IGF2BP3: variants seen among roughly 807,000 people sequenced by gnomAD.
IGF2BP3 encodes insulin-like growth factor 2 mRNA-binding protein 3.
A neutral mutation model predicts 73.8 loss-of-function variants in IGF2BP3; 9 were observed. The ratio of observed to expected loss-of-function variants is 0.12; its 90% CI spans 0.07 to 0.21. The LOEUF (loss-of-function observed/expected upper bound fraction) is 0.21. IGF2BP3 is among the 10% of genes least tolerant of loss of function. IGF2BP3 has a pLI of 1.00. For synonymous variants in IGF2BP3, 258 were observed against 256.7 expected (o/e 1.01, Z -0.05); for missense variants, 542 against 714.0 (o/e 0.76, Z 2.75).
chr7:23,464,553 G>A (rs754326048), intron 2 of IGF2BP3, among the ~76,000 whole-genome samples: 4 of 151,922 alleles, frequency 2.6e-5, no homozygotes, highest in South Asian at 2.1e-4. Context: ...GCATGGTGGC[G>A]CATGCCTGTA....
chr7:23,406,655 G>GA, intron 3 of IGF2BP3, among the ~76,000 whole-genome samples: 1 of 152,268 alleles, frequency 6.6e-6, no homozygotes, highest in East Asian at 1.9e-4. Context: ...CCACAGTGTG[G>GA]AAGGGGACCC....
chr7:23,447,408 G>A (rs929445002), intron 2 of IGF2BP3, among the ~76,000 whole-genome samples: 4 of 151,992 alleles, frequency 2.6e-5, no homozygotes, highest in Non-Finnish European at 5.9e-5. Flanking sequence ...TAGATCACTT[G>A]GGGCCAGGAG....
chr7:23,447,363 G>A (rs570495181), intron 2 of IGF2BP3, among the ~76,000 whole-genome samples: 3 of 152,090 alleles, frequency 2.0e-5, no homozygotes, highest in Non-Finnish European at 4.4e-5. Context: ...GGTCGCTCAT[G>A]CCTGTAATCC....
chr7:23,328,059 G>C (rs1784351551), intron 10 of IGF2BP3, among the ~76,000 whole-genome samples: 1 of 152,092 alleles, frequency 6.6e-6, no homozygotes, highest in East Asian at 1.9e-4. Context: ...TGTCTCTCTA[G>C]ACGCCCACCT....
intron 6 of IGF2BP3, among the ~76,000 whole-genome samples, chr7:23,349,094 TTATA>T (rs1407606347): frequency 6.6e-6 from 1 of 152,228 alleles, no homozygotes; most frequent in African/African-American, 2.4e-5. Context: ...ATTTACATAT[TTATA>T]TGTTTTGAAT....
At chr7:23,355,223 TTA>T (rs1182095736) in intron 5 of IGF2BP3, among the ~76,000 whole-genome samples, 1,603 of 131,092 alleles carry the variant, frequency 0.012, 21 homozygotes, top group African/African-American at 0.055. Context: ...CTTTTTATTT[TTA>T]TTTTTTTTTT....
intron 2 of IGF2BP3, among the ~76,000 whole-genome samples, chr7:23,439,707 G>C (rs1240290159): frequency 6.6e-6 from 1 of 152,072 alleles, no homozygotes; most frequent in East Asian, 1.9e-4. Context: ...GAGGATACAA[G>C]TCTCTCAAAG....
chr7:23,428,392 A>G (rs1787575665), intron 2 of IGF2BP3, among the ~76,000 whole-genome samples: 1 of 151,846 alleles, frequency 6.6e-6, no homozygotes, highest in African/African-American at 2.4e-5. Flanking sequence ...GAATCGCTTG[A>G]ACTCGGGAGG....
chr7:23,462,120 T>C (rs1424209067), intron 2 of IGF2BP3, among the ~76,000 whole-genome samples: 1 of 152,230 alleles, frequency 6.6e-6, no homozygotes, highest in South Asian at 2.1e-4. Flanking sequence ...AGTTTAGTAA[T>C]GGACCTGAGT....
chr7:23,338,314 T>C (rs1322565482), intron 10 of IGF2BP3, among the ~76,000 whole-genome samples: 3 of 152,204 alleles, frequency 2.0e-5, no homozygotes, highest in African/African-American at 7.2e-5. Context: ...AACTGTTCTT[T>C]TCAACATTGA....
intron 3 of IGF2BP3, among the ~76,000 whole-genome samples, chr7:23,404,397 T>A (rs1786764031): frequency 6.6e-6 from 1 of 152,134 alleles, no homozygotes; most frequent in African/African-American, 2.4e-5. Context: ...AATCTTTGTA[T>A]ATATACCTGG....
At chr7:23,391,954 G>T (rs1455888201) in intron 3 of IGF2BP3, among the ~76,000 whole-genome samples, 1 of 152,190 alleles carries the variant, frequency 6.6e-6, no homozygotes, top group Non-Finnish European at 1.5e-5. Flanking sequence ...CTAAGCATCT[G>T]AAACAAAACT....
intron 2 of IGF2BP3, among the ~76,000 whole-genome samples, chr7:23,436,275 A>G (rs1176932142): frequency 1.3e-5 from 2 of 152,242 alleles, no homozygotes; most frequent in Non-Finnish European, 2.9e-5. Flanking sequence ...GATAATGTCT[A>G]TGCTTTTTAA....
At chr7:23,392,350 G>C (rs1473124211) in intron 3 of IGF2BP3, among the ~76,000 whole-genome samples, 1 of 147,602 alleles carries the variant, frequency 6.8e-6, no homozygotes, top group South Asian at 2.2e-4. Flanking sequence ...CTGACCTCAA[G>C]AAAAGGCTGA....
intron 3 of IGF2BP3, chr7:23,416,234 A>T (rs545414357): frequency 2.0e-5 from 3 of 152,378 alleles, no homozygotes; most frequent in African/African-American, 4.8e-5. Context: ...AAAAAAAATA[A>T]AAATAAATAA....
chr7:23,391,776 C>G (rs1786285368), intron 3 of IGF2BP3, among the ~76,000 whole-genome samples: 1 of 152,120 alleles, frequency 6.6e-6, no homozygotes, highest in South Asian at 2.1e-4. Flanking sequence ...AGTACACACC[C>G]TAGTTGAATA....
intron 12 of IGF2BP3, among the ~76,000 whole-genome samples, chr7:23,315,049 C>T (rs928063468): frequency 6.6e-6 from 1 of 152,100 alleles, no homozygotes; most frequent in Admixed American, 6.5e-5. Flanking sequence ...GTGATCCACC[C>T]ACCTTGGCTT....
intron 3 of IGF2BP3, among the ~76,000 whole-genome samples, chr7:23,374,242 T>C (rs984735460): frequency 3.9e-5 from 6 of 152,166 alleles, no homozygotes; most frequent in Non-Finnish European, 8.8e-5. Context: ...ATCCTCTGAC[T>C]AATGAATGGA....
chr7:23,468,402 G>A (rs1379030903), intron 2 of IGF2BP3, 80 bp downstream of exon 2: 13 of 1,427,926 alleles, frequency 9.1e-6, no homozygotes, highest in African/African-American at 2.8e-5. Flanking sequence ...AGCACCAGAG[G>A]ACAAGAAGTT....
Sources: gnomAD v4.1 joint callset for allele counts (sites outside exome capture counted in the v4.1 genomes callset) on GRCh38, gnomAD v4.1.1 for gene constraint, MANE v1.5 for transcripts, NCBI Gene and HGNC (gene_info 2026-07-23, HGNC 2026-07-21) for gene names.